The following PHF12 variants were observed in gnomAD, a reference collection of about 807,000 sequenced individuals.
PHF12 encodes PHD finger protein 12, also known as PHD factor 1.
In PHF12, 6 loss-of-function variants were observed where a neutral mutation model predicts 99.8. The ratio of observed to expected loss-of-function variants is 0.06; its 90% CI spans 0.03 to 0.12. The LOEUF is 0.12. Ranked by LOEUF, PHF12 falls within the 10% of genes least tolerant of loss-of-function variation. The pLI, the probability that PHF12 is intolerant of heterozygous loss-of-function variation, is 1.00. For synonymous variants in PHF12, 480 were observed against 514.9 expected, an observed-to-expected ratio of 0.93 and a Z score of 0.92; for missense variants, 954 against 1,300.1, an observed-to-expected ratio of 0.73 and a Z score of 4.09.
intron 3 of PHF12, chr17:28,924,512 A>G (rs2152667248): frequency 1.6e-6 from 1 of 631,530 alleles, no homozygotes; most frequent in Admixed American, 2.9e-5. Flanking sequence ...TCAGAGAATC[A>G]CCAAAAAGCA....
Position 28,950,502 on chromosome 17 carries a change from C to G in PHF12, c.67-256G>C, listed in dbSNP as rs899776514. On this transcript the variant is annotated intron_variant, in intron 1 of 14. Transcript: ENST00000332830. The surrounding 1 kb of genome is among the most constrained non-coding windows in gnomAD (Gnocchi z 5.7). ...GGTAGGGGGATGGGAAGAGGGTGCG[C>G]GGTTCCCTTCTTGCCACTTCCTTGT... 3.6e-6 allele frequency: 2 copies of G among 558,754 alleles called. No individual in the cohort carries two copies. The highest frequency in any genetic ancestry group is 6.3e-6 in the Non-Finnish European group (2 of 315,286). 34.6% of individuals were successfully genotyped at this position (558,754 alleles called of 1,614,324 possible). A position where few individuals can be genotyped will look rare whatever the true frequency, so the allele number is the denominator to read the frequency against.
At position 28,923,651 on chromosome 17, in the gene PHF12, C is replaced by CAAAAAAAAAAAAAAAAAAAAAAAAAAAA. The variant is rs1491183033; in HGVS notation, c.715+257_715+258insTTTTTTTTTTTTTTTTTTTTTTTTTTTT. 1.0e-3 allele frequency among the ~76,000 whole-genome samples: 22 copies of CAAAAAAAAAAAAAAAAAAAAAAAAAAAA among 21,970 alleles called. 3 individuals carry two copies. Among genetic ancestry groups the CAAAAAAAAAAAAAAAAAAAAAAAAAAAA allele is most frequent in the African/African-American group, 2.5e-3 (11 of 4,346 alleles). 14.4% of individuals were successfully genotyped at this position (21,970 alleles called of 152,430 possible). ...CTAGCCTGAGTGACAAAGTGAGACT[C>CAAAAAAAAAAAAAAAAAAAAAAAAAAAA]ACAAAAAAAAAAAAAAAAAAAAAAG... On this transcript the variant is annotated intron_variant, in intron 4 of 14. Transcript: ENST00000332830.
Position 28,917,247 on chromosome 17 carries a change from G to A in PHF12, c.1134+38C>T, listed in dbSNP as rs375981581. ...TCCTCTGTCTAACCCATGATGGCAGGCAGACTACCATCTTGCCTGCACCTG... is the reference window on the plus strand; with the variant it reads ...TCCTCTGTCTAACCCATGATGGCAGACAGACTACCATCTTGCCTGCACCTG... On this transcript the variant is annotated intron_variant, in intron 7 of 14. Transcript: ENST00000332830. 2.2e-5 allele frequency: 36 copies of A among 1,611,704 alleles called. No individual in the cohort carries two copies. The African/African-American group carries it at 4.4e-4, about 20-fold the overall frequency.
intron 2 of PHF12, among the ~76,000 whole-genome samples, chr17:28,948,858 C>T (rs1598167846): frequency 6.6e-6 from 1 of 152,330 alleles, no homozygotes; most frequent in South Asian, 2.1e-4. Context: ...AAACCCCTGC[C>T]TCAGTCAACT....
chr17:28,910,765 T>A (rs1467238998), intron 10 of PHF12: 1 of 373,172 alleles, frequency 2.7e-6, no homozygotes, highest in African/African-American at 2.1e-5. Flanking sequence ...TTTGGGGGTT[T>A]CCCACAGATG....
In PHF12 at chr17:28,912,599, T is replaced by C; in HGVS notation, c.1972A>G (p.Arg658Gly). 6.2e-7 allele frequency: 1 copy of C among 1,614,186 alleles called. No individual in the cohort carries two copies. Among genetic ancestry groups the C allele is most frequent in the Non-Finnish European group, 8.5e-7 (1 of 1,180,042 alleles). ...GCGTTTGGGGGTGAGCCCAGTGGCC[T>C]TGAATCTGTCAACGGAGGTCCTATC... ...SQIGPPLTDS[R>G]PLGSPPNATR... The change falls in exon 9 of 15, where the codon AGG (arginine) becomes GGG (glycine). Residue 658 changes from arginine to glycine, a missense_variant. By Grantham distance (125) the Arg-to-Gly change is moderately radical. This residue lies in a region of PHF12 where 392 missense variants were observed against 423.1 expected (regional missense o/e 0.93). Coordinates refer to ENST00000332830, the MANE Select transcript of PHF12 (RefSeq NM_001033561.2).
chr17:28,916,416 A>T (rs2040063166), intron 7 of PHF12, among the ~76,000 whole-genome samples: 1 of 152,176 alleles, frequency 6.6e-6, no homozygotes, highest in African/African-American at 2.4e-5. Flanking sequence ...GGCTGGTCTC[A>T]AACTCCTGAC....
At chr17:28,948,918 T>A (rs2040761142) in intron 2 of PHF12, among the ~76,000 whole-genome samples, 1 of 152,160 alleles carries the variant, frequency 6.6e-6, no homozygotes, top group East Asian at 1.9e-4. Context: ...AAATCTGGGT[T>A]TGCTGCCGCA....
intron 3 of PHF12, chr17:28,925,698 T>C (rs547093053): frequency 1.6e-3 from 239 of 152,340 alleles, no homozygotes; most frequent in African/African-American, 5.3e-3. Flanking sequence ...CTTTGAGTCC[T>C]TGGGAAAGTT....
At chr17:28,926,567 AC>A in intron 3 of PHF12, 1 of 352,496 alleles carries the variant, frequency 2.8e-6, no homozygotes, top group East Asian at 7.6e-5. Context: ...AACTTGGGGT[AC>A]AAATGCGTTC....
chr17:28,906,601 T>C lies in PHF12; in HGVS notation c.2681-84A>G. On this transcript the variant is annotated intron_variant, in intron 14 of 14. Transcript: ENST00000332830. The surrounding 1 kb of genome is among the most constrained non-coding windows in gnomAD (Gnocchi z 4.2). ...TGTTTGCCAAGGTTGGGCTCCTGCATCTCCCCATTCCAACTGCTGCATGAC... is the reference window on the plus strand; with the variant it reads ...TGTTTGCCAAGGTTGGGCTCCTGCACCTCCCCATTCCAACTGCTGCATGAC... The C allele has an allele frequency of 7.1e-7, 1 of 1,417,964 alleles. No individual in the cohort carries two copies. The highest frequency in any genetic ancestry group is 9.6e-7 in the Non-Finnish European group (1 of 1,046,184). 87.8% of individuals were successfully genotyped at this position (1,417,964 alleles called of 1,614,324 possible). A position where few individuals can be genotyped will look rare whatever the true frequency, so the allele number is the denominator to read the frequency against.
chr17:28,949,291 A>G lies in PHF12; in HGVS notation c.248+774T>C, dbSNP rs962632602. On this transcript the variant is annotated intron_variant, in intron 2 of 14. Coordinates refer to ENST00000332830, the MANE Select transcript of PHF12 (RefSeq NM_001033561.2). This position sits in a 1 kb window ranked among gnomAD's most constrained non-coding sequence, Gnocchi z 4.6. The stretch of plus-strand genomic sequence containing the variant: ...AACCCGGCCCGATTTCCTAAGAGGC[A>G]GCGGCGCCGGGAGGGAGGAGGGAAG... 6.6e-6 allele frequency among the ~76,000 whole-genome samples: 1 copy of G among 151,942 alleles called. No individual in the cohort carries two copies. Among genetic ancestry groups the G allele is most frequent in the Admixed American group, 6.6e-5 (1 of 15,266 alleles).
At chr17:28,907,028 C>G (rs770275464) in intron 13 of PHF12, 34 bp from the exon 14 acceptor site, 31 of 1,580,264 alleles carry the variant, frequency 2.0e-5, no homozygotes, top group Non-Finnish European at 2.6e-6. Context: ...GATGTGTGGT[C>G]TGCTGTGTGG....
chr17:28,950,459 C>T lies in PHF12; in HGVS notation c.67-213G>A, dbSNP rs1191456216. The stretch of plus-strand genomic sequence containing the variant: ...GCACAACAACGAGAACAGCTTCTTC[C>T]AAATGGGGAGGATCAAGGGTAGGGG... On this transcript the variant is annotated intron_variant, in intron 1 of 14. Transcript: ENST00000332830. The surrounding 1 kb of genome is among the most constrained non-coding windows in gnomAD (Gnocchi z 5.7). 5 of 600,046 alleles carry T rather than the reference C, an allele frequency of 8.3e-6. No homozygotes were observed. Among genetic ancestry groups the T allele is most frequent in the Non-Finnish European group, 1.2e-5 (4 of 342,040 alleles). The allele number at this position is 600,046 out of a possible 1,614,324, so 37.2% of individuals were successfully genotyped here. A position where few individuals can be genotyped will look rare whatever the true frequency, so the allele number is the denominator to read the frequency against.
chr17:28,908,660 T>C, intron 12 of PHF12, 123 bp downstream of exon 12: 1 of 887,484 alleles, frequency 1.1e-6, no homozygotes, highest in Non-Finnish European at 1.8e-6. Flanking sequence ...AGCTATCCAC[T>C]GATTTAAAGC....
intron 9 of PHF12, chr17:28,912,031 CTCTT>C (rs2039969847): frequency 1.2e-5 from 11 of 936,620 alleles, no homozygotes; most frequent in African/African-American, 1.8e-5. Flanking sequence ...ATCAGATTAA[CTCTT>C]TCTGAGAATA....
intron 3 of PHF12, chr17:28,925,861 T>C (rs2040263509): frequency 6.6e-6 from 1 of 152,244 alleles, no homozygotes; most frequent in Admixed American, 6.5e-5. Context: ...TTTCCTTTTC[T>C]CCACCGTCTT....
At chr17:28,924,379 A>G (rs2040227443) in intron 3 of PHF12, 77 bp from the exon 4 acceptor site, 2 of 1,600,424 alleles carry the variant, frequency 1.2e-6, no homozygotes, top group South Asian at 1.1e-5. Context: ...GTCCTGGTAG[A>G]CCACTAATCA....
Position 28,913,775 on chromosome 17 carries a change from G to T in PHF12, c.1293+104C>A, listed in dbSNP as rs1265499299. ...ACTCTTGAGGGGTTAGGATGAGGGT[G>T]GGTGGGGACTGGAATGAGAATGACA... On this transcript the variant is annotated intron_variant, in intron 8 of 14. Coordinates refer to ENST00000332830, the MANE Select transcript of PHF12 (RefSeq NM_001033561.2). 2.8e-6 allele frequency: 4 copies of T among 1,452,836 alleles called. No individual in the cohort carries two copies. In the Admixed American group the frequency reaches 6.2e-5, roughly 23 times the overall value. The allele number at this position is 1,452,836 out of a possible 1,614,324, so 90.0% of individuals were successfully genotyped here.
Sources: allele counts gnomAD v4.1 joint callset (sites outside exome capture counted in the v4.1 genomes callset), GRCh38; gene constraint gnomAD v4.1.1; regional missense constraint gnomAD v4.1.1; non-coding constraint Gnocchi (gnomAD v3.1); transcripts MANE v1.5; gene names NCBI Gene and HGNC (gene_info 2026-07-23, HGNC 2026-07-21).